CALN1: variants seen among roughly 807,000 people sequenced by gnomAD.
CALN1 encodes the protein calcium-binding protein 8.
CALN1 carries 17 observed loss-of-function variants against 30.6 expected under a neutral mutation model. The observed-to-expected ratio is 0.56, with a 90% confidence interval of 0.38 to 0.83. The LOEUF (loss-of-function observed/expected upper bound fraction) is 0.83, where lower values mean the gene tolerates loss of function less well. CALN1 is among the 40% of genes least tolerant of loss of function. CALN1 has a pLI of 0.00. For missense variants in CALN1, 291 were observed against 354.9 expected, an observed-to-expected ratio of 0.82 and a Z score of 1.45; for synonymous variants, 156 against 131.4, an observed-to-expected ratio of 1.19 and a Z score of -1.28.
At chr7:72,487,917 AGAAGGAAG>A in the CALN1 span, among the ~76,000 whole-genome samples, 125 of 62,270 alleles carry the variant, frequency 2.0e-3, 1 homozygote, top group Middle Eastern at 8.1e-3. Flanking sequence ...AAAGAAAGAA[AGAAGGAAG>A]GAAGGAAGGA....
intron 6 of CALN1, among the ~76,000 whole-genome samples, chr7:71,794,571 T>C (rs1275391501): frequency 2.0e-5 from 3 of 152,170 alleles, no homozygotes; most frequent in East Asian, 1.9e-4. Context: ...GAGCTAATAA[T>C]TGCTCTGCTC....
At chr7:71,900,368 T>G (rs1466232887) in intron 5 of CALN1, among the ~76,000 whole-genome samples, 1 of 152,170 alleles carries the variant, frequency 6.6e-6, no homozygotes, top group African/African-American at 2.4e-5. Context: ...AAAGTCAAAT[T>G]ATCTCTGTTT....
intron 4 of CALN1, among the ~76,000 whole-genome samples, chr7:72,038,299 C>T (rs771940480): frequency 2.0e-5 from 3 of 152,130 alleles, no homozygotes; most frequent in African/African-American, 4.8e-5. Flanking sequence ...AGTTTCAGGT[C>T]TCCATGGACT....
At chr7:72,480,062 C>A in the CALN1 span, among the ~76,000 whole-genome samples, 6 of 152,158 alleles carry the variant, frequency 3.9e-5, no homozygotes, top group Non-Finnish European at 7.3e-5. Flanking sequence ...CATTAATTTT[C>A]CAATTTTATG....
chr7:72,198,796 G>A (rs1291813177), intron 3 of CALN1, among the ~76,000 whole-genome samples: 1 of 152,172 alleles, frequency 6.6e-6, no homozygotes, highest in East Asian at 1.9e-4. Flanking sequence ...GGTGCCCTAG[G>A]ACCACAGGCT....
chr7:71,906,205 T>G (rs1000058967), intron 5 of CALN1, among the ~76,000 whole-genome samples: 5 of 152,170 alleles, frequency 3.3e-5, no homozygotes. Flanking sequence ...TGGTGCCATC[T>G]TTCTGGCACG....
At chr7:72,111,125 T>A (rs12666578) in intron 3 of CALN1, among the ~76,000 whole-genome samples, 34,709 of 152,100 alleles carry the variant, frequency 0.23, 4,898 homozygotes, top group East Asian at 0.69. Context: ...TACTCCTCCA[T>A]CTCATGCAAC....
the CALN1 span, among the ~76,000 whole-genome samples, chr7:72,489,669 T>C: frequency 9.9e-5 from 15 of 152,276 alleles, no homozygotes; most frequent in East Asian, 2.3e-3. Context: ...AGGTTGGCAA[T>C]TGCACCCTCT....
At chr7:72,000,243 A>AT (rs985034555) in intron 5 of CALN1, among the ~76,000 whole-genome samples, 20 of 152,162 alleles carry the variant, frequency 1.3e-4, no homozygotes, top group African/African-American at 4.8e-4. Context: ...ACAAAAGCAT[A>AT]TTTTTCAAAA....
At chr7:72,461,357 T>C in the CALN1 span, among the ~76,000 whole-genome samples, 20 of 152,208 alleles carry the variant, frequency 1.3e-4, no homozygotes, top group Non-Finnish European at 2.8e-4. Context: ...CCTGCACTTA[T>C]ATGTTCATTG....
intron 5 of CALN1, among the ~76,000 whole-genome samples, chr7:71,902,564 T>C (rs1008384367): frequency 6.6e-6 from 1 of 152,170 alleles, no homozygotes; most frequent in Non-Finnish European, 1.5e-5. Context: ...ACAACTTTTA[T>C]GGAAAACAGT....
intron 2 of CALN1, among the ~76,000 whole-genome samples, chr7:72,402,896 ATTAT>A (rs1439314572): frequency 2.0e-5 from 3 of 152,172 alleles, no homozygotes; most frequent in Admixed American, 1.3e-4. Context: ...CCCTCATAAA[ATTAT>A]TTGAGAATTG....
At chr7:71,987,277 T>G (rs565171128) in intron 5 of CALN1, among the ~76,000 whole-genome samples, 26 of 152,254 alleles carry the variant, frequency 1.7e-4, no homozygotes, top group Non-Finnish European at 3.4e-4. Flanking sequence ...TGTCACGAGT[T>G]GTGCTTATTC....
chr7:72,282,587 C>A (rs1032027685), intron 2 of CALN1, among the ~76,000 whole-genome samples: 1 of 152,208 alleles, frequency 6.6e-6, no homozygotes, highest in African/African-American at 2.4e-5. Context: ...AATGCAGCAA[C>A]AAGGCAGCAT....
chr7:72,287,532 C>A (rs534323333), intron 2 of CALN1, among the ~76,000 whole-genome samples: 1 of 149,784 alleles, frequency 6.7e-6, no homozygotes, highest in African/African-American at 2.5e-5. Flanking sequence ...CTGCAAGCTC[C>A]GCCTCCTGGG....
At chr7:72,026,115 C>CATCTT (rs1801036827) in intron 4 of CALN1, among the ~76,000 whole-genome samples, 1 of 152,112 alleles carries the variant, frequency 6.6e-6, no homozygotes, top group Non-Finnish European at 1.5e-5. Flanking sequence ...AACGAGTTAC[C>CATCTT]ATCTTGCCTT....
chr7:72,181,107 C>G (rs930263115), intron 3 of CALN1, among the ~76,000 whole-genome samples: 17 of 95,386 alleles, frequency 1.8e-4, no homozygotes, highest in Admixed American at 1.1e-3. Flanking sequence ...CCCCCCCCCC[C>G]CCCAAAAAAA....
intron 5 of CALN1, among the ~76,000 whole-genome samples, chr7:71,902,281 A>C (rs1335360025): frequency 1.3e-5 from 2 of 152,018 alleles, no homozygotes; most frequent in Non-Finnish European, 2.9e-5. Context: ...AAAAAAAAAA[A>C]CATATAAATG....
rs1313197732 is a variant in CALN1, at chr7:72,118,512, T to TAC, written c.245-12220_245-12219dup. Among the ~76,000 whole-genome samples the TAC allele has an allele frequency of 2.0e-5, 3 of 152,348 alleles. No homozygotes were observed. The East Asian group carries it at 5.8e-4, about 29-fold the overall frequency. Reference sequence around the variant, plus strand: ...ATAAAGTTAATCTGTCCCCAAACGTTACACCTGGACAGATTAAGCTGAATC... The same window carrying TAC: ...ATAAAGTTAATCTGTCCCCAAACGTTACACACCTGGACAGATTAAGCTGAATC... On this transcript the variant is annotated intron_variant, in intron 3 of 6. Transcript: ENST00000395275.
Sources: allele counts gnomAD v4.1 joint callset (sites outside exome capture counted in the v4.1 genomes callset), GRCh38; gene constraint gnomAD v4.1.1; transcripts MANE v1.5; gene names NCBI Gene and HGNC (gene_info 2026-07-23, HGNC 2026-07-21).